The following PLS3 variants were observed in gnomAD, a reference collection of about 807,000 sequenced individuals.
PLS3 encodes the protein plastin 3.
In PLS3, 11 loss-of-function variants were observed where a neutral mutation model predicts 46.5. The ratio of observed to expected loss-of-function variants is 0.24; its 90% CI spans 0.15 to 0.39. The LOEUF (loss-of-function observed/expected upper bound fraction) is 0.39. PLS3 is among the 10% of genes least tolerant of loss of function. The pLI is 1.00. For synonymous variants in PLS3, 167 were observed against 162.2 expected, an observed-to-expected ratio of 1.03 and a Z score of -0.22; for missense variants, 308 against 461.8, an observed-to-expected ratio of 0.67 and a Z score of 3.05.
intron 2 of PLS3, among the ~76,000 whole-genome samples, chrX:115,615,297 T>C (rs941518316): frequency 2.2e-4 from 25 of 111,114 alleles, no homozygotes; most frequent in Non-Finnish European, 4.3e-4. Flanking sequence ...CATTTCCTTT[T>C]AAGGATATGC....
At chrX:115,576,369 C>T (rs1286301691) in intron 1 of PLS3, among the ~76,000 whole-genome samples, 3 of 110,897 alleles carry the variant, frequency 2.7e-5, no homozygotes, top group Non-Finnish European at 3.8e-5. Context: ...AGGAGTTTGA[C>T]ACCAGCCTGG....
chrX:115,626,080 A>T (rs1311224423), intron 3 of PLS3, among the ~76,000 whole-genome samples: 1 of 111,409 alleles, frequency 9.0e-6, no homozygotes, highest in Non-Finnish European at 1.9e-5. Context: ...AGCTTTGAAA[A>T]GATTCATTGA....
chrX:115,630,686 AATAT>A (rs2074755515), intron 5 of PLS3, among the ~76,000 whole-genome samples: 1 of 97,093 alleles, frequency 1.0e-5, no homozygotes, highest in African/African-American at 3.9e-5. Flanking sequence ...ATATATATAA[AATAT>A]ATACATATAT....
intron 8 of PLS3, chrX:115,639,629 A>T (rs190239588): frequency 3.3e-6 from 1 of 299,227 alleles, no homozygotes; most frequent in Non-Finnish European, 6.4e-6. Context: ...CTTGACTCAA[A>T]TTCCGGTCCT....
chrX:115,611,176 T>C (rs782285705), intron 2 of PLS3, among the ~76,000 whole-genome samples: 7 of 112,526 alleles, frequency 6.2e-5, no homozygotes, highest in Non-Finnish European at 1.1e-4. Flanking sequence ...TGAGGAAATA[T>C]ACATTTCTGT....
chrX:115,630,406 G>T (rs1345783111), intron 5 of PLS3, among the ~76,000 whole-genome samples: 2 of 110,275 alleles, frequency 1.8e-5, no homozygotes, highest in Non-Finnish European at 3.8e-5. Flanking sequence ...TATCAACACT[G>T]CCAGTCGATG....
intron 1 of PLS3, among the ~76,000 whole-genome samples, chrX:115,591,552 G>T (rs1358070259): frequency 8.9e-6 from 1 of 111,762 alleles, no homozygotes; most frequent in Non-Finnish European, 1.9e-5. Context: ...TAGCATTTGG[G>T]ACAGACCCGT....
chrX:115,577,910 G>A (rs1556631396), intron 1 of PLS3, among the ~76,000 whole-genome samples: 1 of 111,391 alleles, frequency 9.0e-6, no homozygotes, highest in Non-Finnish European at 1.9e-5. Flanking sequence ...TACTTACCGA[G>A]CACCTTATAT....
At chrX:115,578,184 A>G (rs1395401694) in intron 1 of PLS3, among the ~76,000 whole-genome samples, 1 of 112,114 alleles carries the variant, frequency 8.9e-6, no homozygotes, top group African/African-American at 3.2e-5. Context: ...AAGGAAATCA[A>G]GGAGTATCCA....
chrX:115,646,303 T>C, intron 12 of PLS3, 99 bp from the exon 13 acceptor site: 2 of 968,672 alleles, frequency 2.1e-6, no homozygotes, highest in Non-Finnish European at 2.9e-6. Flanking sequence ...GTCTTATTTG[T>C]TTTTGTGTGC....
intron 1 of PLS3, among the ~76,000 whole-genome samples, chrX:115,601,342 A>G (rs1324350349): frequency 9.1e-6 from 1 of 110,230 alleles, no homozygotes; most frequent in Non-Finnish European, 1.9e-5. Context: ...ATGCTGTCCT[A>G]AAAAGGTGGG....
At chrX:115,629,046 T>C in intron 3 of PLS3, 152 bp from the exon 4 acceptor site, 1 of 432,054 alleles carries the variant, frequency 2.3e-6, no homozygotes, top group Non-Finnish European at 4.0e-6. Context: ...AGTACTTGTT[T>C]AGCATTTCAA....
At chrX:115,593,598 G>A (rs370675011) in intron 1 of PLS3, 1 of 110,976 alleles carries the variant, frequency 9.0e-6, no homozygotes, top group Admixed American at 9.7e-5. Context: ...TATCAGTGCT[G>A]CGAGAAAGGA....
chrX:115,568,060 A>G (rs149608404), intron 1 of PLS3, among the ~76,000 whole-genome samples: 1,648 of 111,681 alleles, frequency 0.015, 22 homozygotes, highest in African/African-American at 0.047. Context: ...GTAATTTTCA[A>G]GCTTTTTTTC....
At chrX:115,577,368 A>G (rs1027357607) in intron 1 of PLS3, among the ~76,000 whole-genome samples, 4 of 111,879 alleles carry the variant, frequency 3.6e-5, no homozygotes, top group African/African-American at 1.3e-4. Context: ...CAAAACTTCA[A>G]TCCTAAACAC....
Position 115,610,317 on chromosome X carries a change from A to G in PLS3, c.67A>G (p.Lys23Glu). The G allele has an allele frequency of 9.1e-7, 1 of 1,104,074 alleles. No individual in the cohort carries two copies. The highest frequency in any genetic ancestry group is 1.2e-6 in the Non-Finnish European group (1 of 808,111). 91.0% of individuals were successfully genotyped at this position (1,104,074 alleles called of 1,213,427 possible). Residue 23 changes from lysine to glutamate, a missense_variant, in exon 2 of 16, where the codon AAA (lysine) becomes GAA (glutamate). By Grantham distance (56) the Lys-to-Glu change is moderately conservative (BLOSUM62 1). This residue lies in a region of PLS3 where 37 missense variants were observed against 26.1 expected (regional missense o/e 1.42). Coordinates refer to ENST00000355899, the MANE Select transcript of PLS3 (RefSeq NM_005032.7). ...TGATGAACTCAAAGAGGCCTTTGCA[A>G]AAGTTGGTGAGTATTTTTTGTAGTA... ...ELDELKEAFA[K>E]VDLNSNGFIC...
chrX:115,590,987 A>C (rs2074341272), intron 1 of PLS3, among the ~76,000 whole-genome samples: 1 of 109,640 alleles, frequency 9.1e-6, no homozygotes, highest in Admixed American at 9.7e-5. Context: ...AAATACAAAA[A>C]AATTAGCCGG....
In PLS3 at chrX:115,637,790, A is replaced by G. The variant is rs1312679668; in HGVS notation, c.891+812A>G. Among the ~76,000 whole-genome samples, 3 of 111,898 alleles carry G rather than the reference A, an allele frequency of 2.7e-5. No individual in the cohort carries two copies. The Admixed American group carries it at 2.9e-4, about 11-fold the overall frequency. ...CCAGCAAGGCTGTGAAAACAATACT[A>G]TGTGATGATATGATTTTGTTCAGTG... On this transcript the variant is annotated intron_variant, in intron 8 of 15. Coordinates refer to ENST00000355899, the MANE Select transcript of PLS3 (RefSeq NM_005032.7).
intron 1 of PLS3, among the ~76,000 whole-genome samples, chrX:115,566,844 A>C (rs2074177835): frequency 9.3e-6 from 1 of 107,896 alleles, no homozygotes; most frequent in African/African-American, 3.4e-5. Context: ...ACGCCTGGCT[A>C]ATTTTTGTAT....
Sources: gnomAD v4.1 joint callset for allele counts (sites outside exome capture counted in the v4.1 genomes callset) on GRCh38, gnomAD v4.1.1 for gene constraint, gnomAD v4.1.1 regional missense constraint, MANE v1.5 for transcripts, NCBI Gene and HGNC (gene_info 2026-07-23, HGNC 2026-07-21) for gene names.